Variants in SCAF8 observed in about 807,000 individuals in gnomAD.
SCAF8 encodes the protein SR-related CTD associated factor 8.
SCAF8 carries 23 observed loss-of-function variants against 140.5 expected under a neutral mutation model. That is an observed-to-expected ratio of 0.16 (90% confidence interval 0.12 to 0.23). The LOEUF (loss-of-function observed/expected upper bound fraction) is 0.23. Ranked by LOEUF, SCAF8 falls within the 10% of genes least tolerant of loss-of-function variation. The pLI, the probability that SCAF8 is intolerant of heterozygous loss-of-function variation, is 1.00. For missense variants in SCAF8, 1,397 were observed against 1,555.7 expected (o/e 0.90, Z 1.72); for synonymous variants, 575 against 528.9 (o/e 1.09, Z -1.20).
chr6:154,771,478 A>G (rs920341350), intron 1 of SCAF8, among the ~76,000 whole-genome samples: 1 of 152,188 alleles, frequency 6.6e-6, no homozygotes, highest in African/African-American at 2.4e-5. Flanking sequence ...CAGGAGTTAG[A>G]ATGGACAGGG....
chr6:154,826,883 C>T (rs981459322), intron 17 of SCAF8, among the ~76,000 whole-genome samples: 1 of 152,056 alleles, frequency 6.6e-6, no homozygotes, highest in Admixed American at 6.6e-5. Context: ...GTTTACCTGG[C>T]TCCTATTAAT....
chr6:154,761,100 T>C (rs1378062384), intron 1 of SCAF8, among the ~76,000 whole-genome samples: 1 of 152,202 alleles, frequency 6.6e-6, no homozygotes, highest in African/African-American at 2.4e-5. Flanking sequence ...GCCATTGTGC[T>C]TGGCTCTAAG....
intron 1 of SCAF8, among the ~76,000 whole-genome samples, chr6:154,772,686 CTCAATCAATCAA>C (rs537232418): frequency 6.6e-6 from 1 of 152,076 alleles, no homozygotes; most frequent in Non-Finnish European, 1.5e-5. Flanking sequence ...GAGACCCTGT[CTCAATCAATCAA>C]TCAATCAATC....
intron 1 of SCAF8, among the ~76,000 whole-genome samples, chr6:154,744,138 T>C (rs1225627288): frequency 6.6e-6 from 1 of 151,942 alleles, no homozygotes; most frequent in Non-Finnish European, 1.5e-5. Context: ...ACTAAAAATA[T>C]AAAAATTAGC....
chr6:154,802,386 G>A (rs767499466), intron 7 of SCAF8, among the ~76,000 whole-genome samples: 7 of 152,016 alleles, frequency 4.6e-5, no homozygotes, highest in Non-Finnish European at 8.8e-5. Flanking sequence ...TTGGGGGAGC[G>A]CAAGGCAGGC....
chr6:154,811,338 C>T (rs1372378835), intron 12 of SCAF8, among the ~76,000 whole-genome samples: 2 of 151,080 alleles, frequency 1.3e-5, no homozygotes, highest in African/African-American at 2.4e-5. Flanking sequence ...TATATGGAGT[C>T]GCTCTCATTT....
At chr6:154,772,945 C>T (rs988993570) in intron 1 of SCAF8, among the ~76,000 whole-genome samples, 15 of 151,942 alleles carry the variant, frequency 9.9e-5, no homozygotes, top group South Asian at 2.1e-4. Flanking sequence ...TTTTTAGTAG[C>T]GACAGGGTTT....
chr6:154,751,787 A>C (rs925681710), intron 1 of SCAF8, among the ~76,000 whole-genome samples: 1 of 152,094 alleles, frequency 6.6e-6, no homozygotes, highest in Non-Finnish European at 1.5e-5. Flanking sequence ...AATTCTTAAT[A>C]GATTATTAAT....
chr6:154,734,024 T>C (rs1404947566), intron 1 of SCAF8, 94 bp downstream of exon 1: 1 of 1,416,384 alleles, frequency 7.1e-7, no homozygotes, highest in South Asian at 1.6e-5. Flanking sequence ...GGCCTGCGGG[T>C]TTTTTAAGGG....
chr6:154,763,763 A>T (rs1776471236), intron 1 of SCAF8, among the ~76,000 whole-genome samples: 1 of 152,014 alleles, frequency 6.6e-6, no homozygotes. Context: ...AAAAAAACCC[A>T]CATCTGTAGA....
At chr6:154,810,298 T>G in intron 12 of SCAF8, 90 bp downstream of exon 12, 1 of 952,528 alleles carries the variant, frequency 1.0e-6, no homozygotes, top group Non-Finnish European at 1.5e-6. Flanking sequence ...AATTTTATTT[T>G]CAGATTAAGG....
At chr6:154,744,738 ATT>A (rs1310348797) in intron 1 of SCAF8, among the ~76,000 whole-genome samples, 2 of 152,178 alleles carry the variant, frequency 1.3e-5, no homozygotes, top group Non-Finnish European at 2.9e-5. Flanking sequence ...ATACAAATTT[ATT>A]TTTTCCTCAT....
chr6:154,780,182 C>T (rs1195013478), intron 3 of SCAF8, among the ~76,000 whole-genome samples: 4 of 152,128 alleles, frequency 2.6e-5, no homozygotes, highest in Non-Finnish European at 5.9e-5. Context: ...CTCCCCATCC[C>T]TAATCCCTAA....
In SCAF8 at chr6:154,832,061, G is replaced by C. The variant is rs768894612; in HGVS notation, c.2482G>C (p.Gly828Arg). 6.2e-7 allele frequency: 1 copy of C among 1,614,004 alleles called. No homozygotes were observed. The highest frequency in any genetic ancestry group is 8.5e-7 in the Non-Finnish European group (1 of 1,179,984). The change falls in exon 20 of 20, where the codon GGG (glycine) becomes CGG (arginine). Residue 828 changes from glycine to arginine, a missense_variant. By Grantham distance (125) the Gly-to-Arg change is moderately radical. Coordinates refer to ENST00000367178, the MANE Select transcript of SCAF8 (RefSeq NM_014892.5). ...PNVSSNSEILGVRPSNVSSSS... is the reference protein window; with the variant it reads ...PNVSSNSEILRVRPSNVSSSS... The stretch of plus-strand genomic sequence containing the variant: ...TGTATCAAGTAATTCTGAAATTCTT[G>C]GGGTCCGGCCATCTAATGTTTCCAG...
At chr6:154,734,611 GA>G (rs1778361294) in intron 1 of SCAF8, among the ~76,000 whole-genome samples, 1 of 152,140 alleles carries the variant, frequency 6.6e-6, no homozygotes, top group African/African-American at 2.4e-5. Context: ...GATTATGGGG[GA>G]AACATTTCTC....
chr6:154,782,834 A>G (rs933078002), intron 3 of SCAF8, among the ~76,000 whole-genome samples: 9 of 152,116 alleles, frequency 5.9e-5, no homozygotes, highest in Non-Finnish European at 1.0e-4. Context: ...TACCTGCTCT[A>G]TACTTGCTGG....
intron 2 of SCAF8, among the ~76,000 whole-genome samples, chr6:154,775,212 G>A (rs1776882549): frequency 6.6e-6 from 1 of 152,138 alleles, no homozygotes; most frequent in Non-Finnish European, 1.5e-5. Flanking sequence ...TACATCAATA[G>A]TTAAAATCAG....
chr6:154,793,088 T>A (rs1777471730), intron 5 of SCAF8, 112 bp downstream of exon 5: 1 of 633,554 alleles, frequency 1.6e-6, no homozygotes, highest in Non-Finnish European at 2.4e-6. Context: ...CAGCATTACA[T>A]AATTGAAAGA....
At chr6:154,770,078 A>G (rs1443757662) in intron 1 of SCAF8, among the ~76,000 whole-genome samples, 1 of 152,190 alleles carries the variant, frequency 6.6e-6, no homozygotes, top group Admixed American at 6.5e-5. Context: ...GGGCATGAAT[A>G]TATTAAAATT....
Sources: allele counts gnomAD v4.1 joint callset (sites outside exome capture counted in the v4.1 genomes callset), GRCh38; gene constraint gnomAD v4.1.1; transcripts MANE v1.5; gene names NCBI Gene and HGNC (gene_info 2026-07-23, HGNC 2026-07-21).